The following UTRN variants were observed in gnomAD, a reference collection of about 807,000 sequenced individuals.
UTRN encodes utrophin.
UTRN carries 283 observed loss-of-function variants against 463.9 expected under a neutral mutation model. The ratio of observed to expected loss-of-function variants is 0.61; its 90% confidence interval spans 0.55 to 0.67. The LOEUF is 0.67. Ranked by LOEUF, UTRN falls within the 30% of genes least tolerant of loss-of-function variation. UTRN has a pLI of 0.00. For synonymous variants in UTRN, 1,442 were observed against 1,431.5 expected (o/e 1.01, Z -0.17); for missense variants, 3,922 against 4,084.3 (o/e 0.96, Z 1.08).
chr6:144,555,669 A>G (rs981653798), intron 49 of UTRN, among the ~76,000 whole-genome samples: 1 of 152,148 alleles, frequency 6.6e-6, no homozygotes, highest in African/African-American at 2.4e-5. Context: ...GAGCTCAAGT[A>G]ATCTGCTCAC....
At chr6:144,371,295 C>T (rs977157072) in intron 2 of UTRN, among the ~76,000 whole-genome samples, 1 of 152,034 alleles carries the variant, frequency 6.6e-6, no homozygotes, top group Non-Finnish European at 1.5e-5. Context: ...CTTTCCATGC[C>T]AGTATTAGTA....
At chr6:144,396,547 TA>T (rs993315256) in intron 2 of UTRN, among the ~76,000 whole-genome samples, 12 of 152,114 alleles carry the variant, frequency 7.9e-5, no homozygotes, top group African/African-American at 2.4e-4. Context: ...TTACCACAAT[TA>T]AAAAAAATCT....
chr6:144,678,163 A>G (rs1226511608), intron 51 of UTRN, among the ~76,000 whole-genome samples: 3 of 152,098 alleles, frequency 2.0e-5, no homozygotes, highest in African/African-American at 7.2e-5. Context: ...AATGACTTTA[A>G]ATTTCATATG....
intron 61 of UTRN, among the ~76,000 whole-genome samples, chr6:144,786,090 T>C (rs1315244796): frequency 6.6e-6 from 1 of 152,198 alleles, no homozygotes; most frequent in Non-Finnish European, 1.5e-5. Context: ...CTATGAAAAC[T>C]ATCAGGAGAC....
chr6:144,520,764 G>A (rs928375568), intron 39 of UTRN, among the ~76,000 whole-genome samples: 1 of 152,130 alleles, frequency 6.6e-6, no homozygotes, highest in African/African-American at 2.4e-5. Context: ...ATTTGTGATC[G>A]TTTTACCTAT....
intron 33 of UTRN, among the ~76,000 whole-genome samples, chr6:144,494,187 GGTGA>G (rs1793350212): frequency 1.3e-5 from 2 of 152,240 alleles, no homozygotes; most frequent in South Asian, 4.2e-4. Context: ...GGACCCTCGT[GGTGA>G]GTGTTACAGC....
chr6:144,828,485 G>T (rs1048697911), intron 68 of UTRN, among the ~76,000 whole-genome samples: 1 of 152,080 alleles, frequency 6.6e-6, no homozygotes, highest in Non-Finnish European at 1.5e-5. Flanking sequence ...AGAATGTCAC[G>T]CTCACTTAGA....
At chr6:144,360,844 T>C (rs1779020802) in intron 2 of UTRN, among the ~76,000 whole-genome samples, 1 of 152,196 alleles carries the variant, frequency 6.6e-6, no homozygotes, top group Non-Finnish European at 1.5e-5. Context: ...CTTCTTTGTC[T>C]CCTTTCTCTA....
At chr6:144,657,141 T>C (rs1483515927) in intron 51 of UTRN, among the ~76,000 whole-genome samples, 2 of 151,132 alleles carry the variant, frequency 1.3e-5, no homozygotes, top group African/African-American at 4.9e-5. Flanking sequence ...TCCCAGCTAC[T>C]CGGGAGGCTG....
At chr6:144,536,569 A>C (rs1462964529) in intron 43 of UTRN, among the ~76,000 whole-genome samples, 2 of 152,090 alleles carry the variant, frequency 1.3e-5, no homozygotes, top group African/African-American at 4.8e-5. Context: ...TAAATATAGA[A>C]GTATTATCTA....
At chr6:144,760,074 A>C (rs1454161830) in intron 58 of UTRN, among the ~76,000 whole-genome samples, 2 of 152,148 alleles carry the variant, frequency 1.3e-5, no homozygotes, top group Non-Finnish European at 2.9e-5. Context: ...TGGGACTTTT[A>C]AAGTCCATCC....
At chr6:144,423,869 TTTCTC>T (rs1785068578) in intron 5 of UTRN, 112 bp from the exon 6 acceptor site, 3 of 1,092,930 alleles carry the variant, frequency 2.7e-6, no homozygotes, top group Non-Finnish European at 4.0e-6. Flanking sequence ...TAAAATGAAA[TTTCTC>T]TTATCTCTCA....
rs766495293 is a variant in UTRN at position 144,426,391 on chromosome 6, C to G, written c.510C>G (p.Val170=). The change falls in exon 7 of 75, where the codon GTC becomes GTG. Residue 170 remains valine (V), a synonymous_variant. Transcript: ENST00000367545. ...AGACCACCAGGCCCTACAGCCAAGT[C>G]AACGTCCTCAACTTCACCACCAGCT... ...VRQTTRPYSQ[V]NVLNFTTSWT... 6.2e-6 allele frequency: 10 copies of G among 1,614,048 alleles called. No homozygotes were observed. The highest frequency in any genetic ancestry group is 1.6e-4 in the Middle Eastern group (1 of 6,084).
At chr6:144,396,981 C>T (rs1295114125) in intron 2 of UTRN, among the ~76,000 whole-genome samples, 1 of 152,136 alleles carries the variant, frequency 6.6e-6, no homozygotes, top group Non-Finnish European at 1.5e-5. Flanking sequence ...CACAGTGGCT[C>T]ATGCCTGTAA....
intron 51 of UTRN, among the ~76,000 whole-genome samples, chr6:144,671,637 G>T (rs1347685084): frequency 1.3e-5 from 2 of 151,872 alleles, no homozygotes; most frequent in Non-Finnish European, 2.9e-5. Flanking sequence ...TACAGATTTG[G>T]ATGTCCTTTA....
At chr6:144,507,902 G>A (rs1201726708) in intron 34 of UTRN, among the ~76,000 whole-genome samples, 2 of 152,186 alleles carry the variant, frequency 1.3e-5, no homozygotes, top group Non-Finnish European at 1.5e-5. Flanking sequence ...CCAGGCAGAT[G>A]GGAGTTTTCT....
intron 48 of UTRN, 98 bp downstream of exon 48, chr6:144,551,180 CAAAG>C: frequency 1.4e-6 from 1 of 726,034 alleles, no homozygotes; most frequent in South Asian, 2.4e-5. Context: ...AACACATTTT[CAAAG>C]ATTATTCAAC....
At chr6:144,619,126 G>A (rs747998869) in intron 51 of UTRN, among the ~76,000 whole-genome samples, 13 of 151,986 alleles carry the variant, frequency 8.6e-5, no homozygotes, top group Non-Finnish European at 1.5e-4. Flanking sequence ...TGACTCCCTC[G>A]AGGTCTTAGT....
At chr6:144,480,123 A>T in intron 26 of UTRN, 141 bp downstream of exon 26, 1 of 1,078,100 alleles carries the variant, frequency 9.3e-7, no homozygotes, top group Non-Finnish European at 1.3e-6. Flanking sequence ...AAAAAAACAT[A>T]ACAGGGTAGC....
Sources: gnomAD v4.1 joint callset for allele counts (sites outside exome capture counted in the v4.1 genomes callset) on GRCh38, gnomAD v4.1.1 for gene constraint, MANE v1.5 for transcripts, NCBI Gene and HGNC (gene_info 2026-07-23, HGNC 2026-07-21) for gene names.